USP25: variants seen among roughly 807,000 people sequenced by gnomAD.
The protein encoded by USP25 is ubiquitin specific peptidase 25.
USP25 carries 85 observed loss-of-function variants against 158.5 expected under a neutral mutation model. The observed-to-expected ratio is 0.54, with a 90% CI of 0.45 to 0.64. USP25 has a LOEUF of 0.64. Ranked by LOEUF, USP25 falls within the 30% of genes least tolerant of loss-of-function variation. The pLI is 0.00. For synonymous variants in USP25, 464 were observed against 460.4 expected (o/e 1.01, Z -0.10); for missense variants, 1,242 against 1,327.3 (o/e 0.94, Z 1.00).
intron 5 of USP25, among the ~76,000 whole-genome samples, chr21:15,794,361 A>G (rs2035751691): frequency 6.6e-6 from 1 of 151,674 alleles, no homozygotes; most frequent in Non-Finnish European, 1.5e-5. Flanking sequence ...GCTGCTGGCA[A>G]CATTAGCCTG....
chr21:15,872,016 T>G (rs1568916643), intron 23 of USP25, among the ~76,000 whole-genome samples: 1 of 91,268 alleles, frequency 1.1e-5, no homozygotes, highest in African/African-American at 4.8e-5. Flanking sequence ...GAAATACTGT[T>G]TTTTTTTTTT....
chr21:15,838,576 A>G lies in USP25; in HGVS notation c.2195-3822A>G, dbSNP rs139897418. Among the ~76,000 whole-genome samples, 51 of 152,276 alleles carry G rather than the reference A, an allele frequency of 3.3e-4. 1 individual carries two copies. Among genetic ancestry groups the G allele is most frequent in the Non-Finnish European group, 5.3e-4 (36 of 68,022 alleles). On this transcript the variant is annotated intron_variant, in intron 17 of 25. Transcript: ENST00000400183. The stretch of plus-strand genomic sequence containing the variant: ...TTTCAAAAATTCCACCAGCGATTCT[A>G]TGCAACCACCTAAGCGTGGCTCTTT...
At chr21:15,866,075 GTCT>G (rs2039642564) in intron 21 of USP25, among the ~76,000 whole-genome samples, 188 bp from the exon 22 acceptor site, 1 of 151,988 alleles carries the variant, frequency 6.6e-6, no homozygotes, top group African/African-American at 2.4e-5. Flanking sequence ...TATTGCTCCT[GTCT>G]TCTTTGTAAT....
intron 19 of USP25, among the ~76,000 whole-genome samples, chr21:15,849,369 G>C (rs917623259): frequency 6.6e-6 from 1 of 152,168 alleles, no homozygotes; most frequent in African/African-American, 2.4e-5. Context: ...AGGATGACTA[G>C]ACAAGGGGCA....
At chr21:15,823,583 T>C (rs1427183862) in intron 10 of USP25, among the ~76,000 whole-genome samples, 1 of 152,138 alleles carries the variant, frequency 6.6e-6, no homozygotes, top group Non-Finnish European at 1.5e-5. Context: ...ATTTTTAGTA[T>C]GAGAGTTGTG....
At chr21:15,759,480 T>C (rs1475887178) in intron 1 of USP25, among the ~76,000 whole-genome samples, 2 of 152,166 alleles carry the variant, frequency 1.3e-5, no homozygotes, top group Non-Finnish European at 2.9e-5. Flanking sequence ...AAGATTCACA[T>C]TGGTTCAATC....
chr21:15,790,060 C>T (rs2035508296), intron 4 of USP25, among the ~76,000 whole-genome samples: 1 of 152,054 alleles, frequency 6.6e-6, no homozygotes. Flanking sequence ...GACTGTCTTT[C>T]TATCTCTCCC....
At chr21:15,862,015 A>G (rs1174558673) in intron 20 of USP25, among the ~76,000 whole-genome samples, 1 of 152,146 alleles carries the variant, frequency 6.6e-6, no homozygotes. Flanking sequence ...CAGTTCTATA[A>G]TAGAAATCTG....
chr21:15,735,964 CTGTGTGTGTGTGTGTGTATGTGTG>C (rs1048415553), intron 1 of USP25, among the ~76,000 whole-genome samples: 8 of 145,042 alleles, frequency 5.5e-5, no homozygotes, highest in Non-Finnish European at 1.2e-4. Flanking sequence ...TGTCCTAAAT[CTGTGTGTGTGTGTGTGTATGTGTG>C]TGTGTGTGTG....
intron 1 of USP25, among the ~76,000 whole-genome samples, chr21:15,753,134 C>T (rs1049426270): frequency 6.6e-6 from 1 of 152,132 alleles, no homozygotes; most frequent in Non-Finnish European, 1.5e-5. Context: ...GAGGGTGTGA[C>T]ATCACATGTA....
At chr21:15,791,713 T>C in intron 5 of USP25, 49 bp downstream of exon 5, 1 of 1,546,420 alleles carries the variant, frequency 6.5e-7, no homozygotes, top group South Asian at 1.3e-5. Context: ...GTGATAGCAA[T>C]GGAAAGTGAG....
chr21:15,829,196 C>T (rs911785939), intron 14 of USP25, among the ~76,000 whole-genome samples: 1 of 151,868 alleles, frequency 6.6e-6, no homozygotes, highest in African/African-American at 2.4e-5. Flanking sequence ...GGTACATGTG[C>T]AGGTTTGCTA....
chr21:15,776,660 GCAAAACCTTGTATCTA>G (rs2034674114), intron 3 of USP25, among the ~76,000 whole-genome samples: 1 of 151,368 alleles, frequency 6.6e-6, no homozygotes. Context: ...TGGGCAAGAC[GCAAAACCTTGTATCTA>G]CAAAAAATTA....
chr21:15,842,652 T>A (rs750775819), intron 18 of USP25, 112 bp downstream of exon 18: 1 of 1,353,952 alleles, frequency 7.4e-7, no homozygotes, highest in Non-Finnish European at 1.0e-6. Context: ...CAGTGATGGC[T>A]CTGCCATGGG....
At chr21:15,775,959 C>G (rs1040523456) in intron 3 of USP25, among the ~76,000 whole-genome samples, 2 of 151,760 alleles carry the variant, frequency 1.3e-5, no homozygotes, top group Non-Finnish European at 1.5e-5. Context: ...ACACCTAAAC[C>G]CTGTTTTTCT....
chr21:15,773,071 T>C (rs1162463589), intron 3 of USP25, among the ~76,000 whole-genome samples: 1 of 152,214 alleles, frequency 6.6e-6, no homozygotes, highest in Non-Finnish European at 1.5e-5. Flanking sequence ...AGCTTTTCAG[T>C]TAAGGATTGT....
At chr21:15,801,999 A>G (rs1022113548) in intron 6 of USP25, among the ~76,000 whole-genome samples, 10 of 151,534 alleles carry the variant, frequency 6.6e-5, no homozygotes, top group Non-Finnish European at 1.3e-4. Flanking sequence ...GTCCCTGGAA[A>G]TATAATAATA....
intron 17 of USP25, among the ~76,000 whole-genome samples, chr21:15,834,614 T>C (rs1242403524): frequency 2.0e-5 from 3 of 152,238 alleles, no homozygotes; most frequent in Non-Finnish European, 2.9e-5. Context: ...TGTTTTACAG[T>C]GCTACAATGT....
intron 9 of USP25, among the ~76,000 whole-genome samples, chr21:15,814,725 T>C (rs554258397): frequency 8.5e-5 from 13 of 152,276 alleles, no homozygotes; most frequent in Admixed American, 1.3e-4. Context: ...CAGCAAAGCA[T>C]TCAAGAGATG....
Sources: gnomAD v4.1 joint callset for allele counts (sites outside exome capture counted in the v4.1 genomes callset) on GRCh38, gnomAD v4.1.1 for gene constraint, MANE v1.5 for transcripts, NCBI Gene and HGNC (gene_info 2026-07-23, HGNC 2026-07-21) for gene names.